Variants in OSBPL9 observed in about 807,000 individuals in gnomAD.
OSBPL9 encodes the protein oxysterol-binding protein-related protein 9.
A neutral mutation model predicts 106.6 loss-of-function variants in OSBPL9; 40 were observed. The ratio of observed to expected loss-of-function variants is 0.38; its 90% CI spans 0.29 to 0.49. The LOEUF (loss-of-function observed/expected upper bound fraction) is 0.49, where lower values mean the gene tolerates loss of function less well. OSBPL9 is among the 20% of genes least tolerant of loss of function. The pLI is 0.97. For missense variants in OSBPL9, 609 were observed against 887.2 expected, an observed-to-expected ratio of 0.69 and a Z score of 3.98; for synonymous variants, 269 against 295.4, an observed-to-expected ratio of 0.91 and a Z score of 0.92.
At chr1:51,769,753 T>G (rs1673430815) in intron 12 of OSBPL9, among the ~76,000 whole-genome samples, 1 of 152,218 alleles carries the variant, frequency 6.6e-6, no homozygotes, top group African/African-American at 2.4e-5. Context: ...TTATCCCATT[T>G]TTTTTCAATT....
chr1:51,729,904 A>G lies in OSBPL9; in HGVS notation c.319-15632A>G. The G allele has an allele frequency of 1.6e-6, 2 of 1,280,324 alleles. No homozygotes were observed. The highest frequency in any genetic ancestry group is 2.0e-6 in the Non-Finnish European group (2 of 1,005,652). The allele number at this position is 1,280,324 out of a possible 1,614,324, so 79.3% of individuals were successfully genotyped here. Reference sequence around the variant, plus strand: ...GTCCGGGGATCGGGTCGAGGGGAGAAGAAAAAGGGGTGCTCGGGAGCAGCC... The same window carrying G: ...GTCCGGGGATCGGGTCGAGGGGAGAGGAAAAAGGGGTGCTCGGGAGCAGCC... On this transcript the variant is annotated intron_variant, in intron 4 of 23. Transcript: ENST00000428468. This position sits in a 1 kb window ranked among gnomAD's most constrained non-coding sequence, Gnocchi z 5.1.
chr1:51,608,817 C>T (rs1405152441), intron 2 of OSBPL9, among the ~76,000 whole-genome samples: 1 of 152,056 alleles, frequency 6.6e-6, no homozygotes, highest in Non-Finnish European at 1.5e-5. Context: ...CAGTGATGCA[C>T]CTCCTGTGTT....
intron 1 of OSBPL9, among the ~76,000 whole-genome samples, chr1:51,644,130 T>G (rs192697139): frequency 6.9e-6 from 1 of 145,030 alleles, no homozygotes; most frequent in Non-Finnish European, 1.5e-5. Flanking sequence ...TATTGGGATG[T>G]ATTGTAGAGG....
Position 51,665,369 on chromosome 1 carries a change from C to T in OSBPL9, c.163-4065C>T, listed in dbSNP as rs570591519. On this transcript the variant is annotated intron_variant, in intron 2 of 23. Transcript: ENST00000428468. ...ATGTTGGTCAGACTGGTCTTGAACT[C>T]CCGACCTCAGGTGATCTGCCAGCCT... 6.6e-5 allele frequency among the ~76,000 whole-genome samples: 10 copies of T among 152,280 alleles called. No homozygotes were observed. In the East Asian group the frequency reaches 1.7e-3, roughly 26 times the overall value.
At chr1:51,542,387 C>T in the OSBPL9 span, among the ~76,000 whole-genome samples, 18 of 152,332 alleles carry the variant, frequency 1.2e-4, no homozygotes, top group Non-Finnish European at 2.4e-4. Flanking sequence ...GCAAGGTCTC[C>T]TTTCACTATA....
At chr1:51,777,397 C>A (rs1336644300) in intron 15 of OSBPL9, among the ~76,000 whole-genome samples, 2 of 152,024 alleles carry the variant, frequency 1.3e-5, no homozygotes, top group South Asian at 2.1e-4. Flanking sequence ...ATAAAGCTTG[C>A]AATATTATAT....
intron 3 of OSBPL9, among the ~76,000 whole-genome samples, chr1:51,677,895 T>G (rs916233055): frequency 6.6e-6 from 1 of 151,620 alleles, no homozygotes; most frequent in Non-Finnish European, 1.5e-5. Context: ...TAATTTCAGC[T>G]GGGCACAGCG....
chr1:51,589,212 C>G (rs1053666654), intron 1 of OSBPL9, among the ~76,000 whole-genome samples: 1 of 152,046 alleles, frequency 6.6e-6, no homozygotes, highest in Non-Finnish European at 1.5e-5. Flanking sequence ...CTTCAGCCTC[C>G]CAAGTAGCTG....
chr1:51,692,665 C>A (rs1226179323), intron 3 of OSBPL9, among the ~76,000 whole-genome samples: 1 of 83,848 alleles, frequency 1.2e-5, no homozygotes, highest in Non-Finnish European at 2.4e-5. Flanking sequence ...TCCTTTCTTT[C>A]TTCTTTTTTT....
the OSBPL9 span, among the ~76,000 whole-genome samples, chr1:51,537,882 T>C: frequency 3.0e-4 from 46 of 152,290 alleles, 1 homozygote; most frequent in South Asian, 3.5e-3. Flanking sequence ...ACTGATACTT[T>C]AATTCCAATT....
rs41292541 is a variant in OSBPL9, at chr1:51,652,086, A to G, written c.162+45A>G. On this transcript the variant is annotated intron_variant, in intron 2 of 23. Coordinates refer to ENST00000428468, the MANE Select transcript of OSBPL9 (RefSeq NM_024586.6). Reference sequence around the variant, plus strand: ...TATGAAAATCAATTTTGACAGAAGAAAATTGTATTCTGATAGAATTATGGA... The same window carrying G: ...TATGAAAATCAATTTTGACAGAAGAGAATTGTATTCTGATAGAATTATGGA... 436 of 1,416,938 alleles carry G rather than the reference A, an allele frequency of 3.1e-4. 1 individual carries two copies. The highest frequency in any genetic ancestry group is 2.9e-4 in the Non-Finnish European group (295 of 1,018,958). The allele number at this position is 1,416,938 out of a possible 1,614,324, so 87.8% of individuals were successfully genotyped here.
chr1:51,711,505 C>CG (rs1376073146), intron 3 of OSBPL9, among the ~76,000 whole-genome samples: 4 of 126,124 alleles, frequency 3.2e-5, no homozygotes, highest in East Asian at 2.4e-4. Flanking sequence ...GCTGGCCGGG[C>CG]GGGGGGCTGA....
At chr1:51,740,242 ACTT>A (rs1666608225) in intron 4 of OSBPL9, 2 of 1,492,720 alleles carry the variant, frequency 1.3e-6, no homozygotes, top group Non-Finnish European at 1.8e-6. Context: ...TATGCTCTAT[ACTT>A]CTTTCATTGG....
chr1:51,523,314 C>T, the OSBPL9 span, among the ~76,000 whole-genome samples: 2 of 151,360 alleles, frequency 1.3e-5, no homozygotes, highest in Non-Finnish European at 2.9e-5. Context: ...GCTATGTTGC[C>T]TAGGCTGGTC....
At chr1:51,768,182 C>T (rs1673042889) in intron 12 of OSBPL9, among the ~76,000 whole-genome samples, 1 of 152,020 alleles carries the variant, frequency 6.6e-6, no homozygotes. Context: ...ACCTCATGAT[C>T]AGCCCGCCTC....
At chr1:51,780,406 A>T (rs563708677) in intron 15 of OSBPL9, among the ~76,000 whole-genome samples, 5 of 152,230 alleles carry the variant, frequency 3.3e-5, no homozygotes, top group African/African-American at 1.2e-4. Flanking sequence ...TATGAAAAAG[A>T]CACATGCACA....
chr1:51,671,563 G>C (rs1211106167), intron 3 of OSBPL9, among the ~76,000 whole-genome samples: 1 of 152,098 alleles, frequency 6.6e-6, no homozygotes, highest in Non-Finnish European at 1.5e-5. Context: ...ATACAAAACA[G>C]ATAAAATTCC....
chr1:51,584,771 C>T (rs1200467422), intron 1 of OSBPL9, among the ~76,000 whole-genome samples: 2 of 152,042 alleles, frequency 1.3e-5, no homozygotes, highest in South Asian at 2.1e-4. Flanking sequence ...CCTTGCACAT[C>T]CTCTGGTTGC....
intron 4 of OSBPL9, among the ~76,000 whole-genome samples, chr1:51,734,588 G>T (rs1665223075): frequency 6.6e-6 from 1 of 152,190 alleles, no homozygotes; most frequent in South Asian, 2.1e-4. Context: ...TTACCTGGAA[G>T]TATTGGCATC....
Sources: allele counts gnomAD v4.1 joint callset (sites outside exome capture counted in the v4.1 genomes callset), GRCh38; gene constraint gnomAD v4.1.1; non-coding constraint Gnocchi (gnomAD v3.1); transcripts MANE v1.5; gene names NCBI Gene and HGNC (gene_info 2026-07-23, HGNC 2026-07-21).